ADGRB2: variants seen among roughly 807,000 people sequenced by gnomAD.
ADGRB2 encodes the protein adhesion G protein-coupled receptor B2.
Under a neutral mutation model 178.7 loss-of-function variants are expected in ADGRB2, and 47 were observed. The observed-to-expected ratio is 0.26, with a 90% CI of 0.21 to 0.34. ADGRB2 has a LOEUF of 0.34. Ranked by LOEUF, ADGRB2 falls within the 10% of genes least tolerant of loss-of-function variation. ADGRB2 has a pLI of 1.00. For synonymous variants in ADGRB2, 870 were observed against 912.4 expected, an observed-to-expected ratio of 0.95 and a Z score of 0.84; for missense variants, 1,584 against 2,180.8, an observed-to-expected ratio of 0.73 and a Z score of 5.45.
chr1:31,756,550 C>CG lies in ADGRB2; in HGVS notation c.286dup (p.Arg96ProfsTer18), dbSNP rs1432907014. Reference sequence around the variant, plus strand: ...CAGGTAGTGGTCCAGGGGCAGCAGGCGGGGGGCAAAGTGTGCGCACACCTG... The same window carrying CG: ...CAGGTAGTGGTCCAGGGGCAGCAGGCGGGGGGGCAAAGTGTGCGCACACCTG... On this transcript the variant is annotated frameshift_variant, in exon 4 of 33. Coordinates refer to ENST00000373658, the MANE Select transcript of ADGRB2 (RefSeq NM_001364857.2). LOFTEE classifies it high-confidence loss of function. This position sits in a 1 kb window ranked among gnomAD's most constrained non-coding sequence, Gnocchi z 8.5. 1.2e-6 allele frequency: 2 copies of CG among 1,613,000 alleles called. No homozygotes were observed. Among genetic ancestry groups the CG allele is most frequent in the Non-Finnish European group, 1.7e-6 (2 of 1,179,528 alleles).
Position 31,764,207 on chromosome 1 carries a change from G to A in ADGRB2, c.-514C>T, listed in dbSNP as rs868353930. ...CGCCGCGCGCCGCCTCCTATTTGCG[G>A]GCGGCGGCCGCAGCCCCGGGCTCTG... On this transcript the variant is annotated 5_prime_UTR_variant, in exon 1 of 33. Transcript: ENST00000373658. This position sits in a 1 kb window ranked among gnomAD's most constrained non-coding sequence, Gnocchi z 7.3. 17 of 272,208 alleles carry A rather than the reference G, an allele frequency of 6.2e-5. No homozygotes were observed. Among genetic ancestry groups the A allele is most frequent in the African/African-American group, 4.0e-4 (17 of 42,662 alleles). 16.9% of individuals were successfully genotyped at this position (272,208 alleles called of 1,614,324 possible).
At position 31,744,531 on chromosome 1, in the gene ADGRB2, G is replaced by A; in HGVS notation, c.922+117C>T. On this transcript the variant is annotated intron_variant, in intron 5 of 32. Transcript: ENST00000373658. This position sits in a 1 kb window ranked among gnomAD's most constrained non-coding sequence, Gnocchi z 6.7. ...CAGCCCTTCCCACAAGCTTCATGTG[G>A]CACAGACGCGACTGAACTGCAGGAC... is the stretch of plus-strand genomic sequence containing the variant. 1 of 1,445,062 alleles carries A rather than the reference G, an allele frequency of 6.9e-7. No homozygotes were observed. The highest frequency in any genetic ancestry group is 9.5e-7 in the Non-Finnish European group (1 of 1,055,236). 89.5% of individuals were successfully genotyped at this position (1,445,062 alleles called of 1,614,324 possible). A position where few individuals can be genotyped will look rare whatever the true frequency, so the allele number is the denominator to read the frequency against.
rs1224888999 is a variant in ADGRB2 at position 31,740,993 on chromosome 1, T to C, written c.1794+380A>G. Among the ~76,000 whole-genome samples, 2 of 151,494 alleles carry C rather than the reference T, an allele frequency of 1.3e-5. No homozygotes were observed. Among genetic ancestry groups the C allele is most frequent in the Non-Finnish European group, 2.9e-5 (2 of 67,900 alleles). ...TGCATTCACACAATTAATACCCAAT[T>C]ACAGTCAAACATGTACACACATTCA... On this transcript the variant is annotated intron_variant, in intron 11 of 32. Transcript: ENST00000373658. The surrounding 1 kb of genome is among the most constrained non-coding windows in gnomAD (Gnocchi z 5.9).
In ADGRB2 at chr1:31,736,648, A is replaced by G. The variant is rs1352985666; in HGVS notation, c.3055T>C (p.Trp1019Arg). Reference protein sequence around the residue: ...SSFCWVLTEAWQSYLAVIGRM... With the variant: ...SSFCWVLTEARQSYLAVIGRM... ...CCAATGACAGCCAGGTAGGACTGCC[A>G]GGCCTCGGTAAGCACCCAGCAAAAG... Residue 1019 changes from tryptophan (W) to arginine (R), a missense_variant, in exon 21 of 33, where the codon TGG becomes CGG. Trp to Arg is a moderately radical substitution (Grantham distance 101). Around this residue, in one of 3 missense-constraint regions of ADGRB2, gnomAD observed 865 missense variants for 1,192.8 expected, o/e 0.73. Transcript: ENST00000373658. 6.2e-7 allele frequency: 1 copy of G among 1,614,040 alleles called. No individual in the cohort carries two copies. Among genetic ancestry groups the G allele is most frequent in the Non-Finnish European group, 8.5e-7 (1 of 1,180,004 alleles).
In ADGRB2 at chr1:31,735,750, G is replaced by T. The variant is rs951400666; in HGVS notation, c.3267+77C>A. The T allele has an allele frequency of 5.7e-6, 9 of 1,578,464 alleles. No homozygotes were observed. The African/African-American group carries it at 1.2e-4, about 21-fold the overall frequency. On this transcript the variant is annotated intron_variant, in intron 23 of 32. Transcript: ENST00000373658. The surrounding 1 kb of genome is among the most constrained non-coding windows in gnomAD (Gnocchi z 6.0). The stretch of plus-strand genomic sequence containing the variant: ...GAAATCCCCATGTGGGAGCTGGAGC[G>T]CAGGGAGGAGGTAGAGGGAGAAACA...
intron 7 of ADGRB2, 51 bp downstream of exon 7, chr1:31,742,787 C>G (rs1471582518): frequency 7.3e-7 from 1 of 1,370,012 alleles, no homozygotes; most frequent in Non-Finnish European, 9.5e-7. Context: ...GTCTCCCGAC[C>G]CCCCACCGGG....
intron 4 of ADGRB2, among the ~76,000 whole-genome samples, chr1:31,749,756 T>C (rs1473017029): frequency 6.6e-6 from 1 of 151,988 alleles, no homozygotes; most frequent in East Asian, 1.9e-4. Flanking sequence ...TACAAAGAAA[T>C]ACAAAAAAAT....
At position 31,735,193 on chromosome 1, in the gene ADGRB2, T is replaced by G. The variant is rs935616861; in HGVS notation, c.3442A>C (p.Arg1148=). 18 of 1,344,230 alleles carry G rather than the reference T, an allele frequency of 1.3e-5. No homozygotes were observed. Among genetic ancestry groups the G allele is most frequent in the Non-Finnish European group, 1.7e-5 (18 of 1,035,842 alleles). 83.3% of individuals were successfully genotyped at this position (1,344,230 alleles called of 1,614,324 possible). The change falls in exon 25 of 33, where the codon AGG becomes CGG. Residue 1148 remains arginine (R), a synonymous_variant. Coordinates refer to ENST00000373658, the MANE Select transcript of ADGRB2 (RefSeq NM_001364857.2). This position sits in a 1 kb window ranked among gnomAD's most constrained non-coding sequence, Gnocchi z 6.0. ...GGGGGCACGACTAACATGGCGTTCC[T>G]GGCCGAGGCTGAGCTGAGCAGGGGG... ...PSPLLSSASA[R]NAMASLWSSC...
At position 31,740,146 on chromosome 1, in the gene ADGRB2, A is replaced by C; in HGVS notation, c.2022T>G (p.Asp674Glu). ...RFFQVVSFMV[D>E]AENKEKWDDA... ...CGTCCCACTTCTCCTTGTTTTCCGC[A>C]TCCACCATGAAGCTCACCACCTGGA... Residue 674 changes from aspartate (D) to glutamate (E), a missense_variant, in exon 13 of 33, where the codon GAT becomes GAG. Coordinates refer to ENST00000373658, the MANE Select transcript of ADGRB2 (RefSeq NM_001364857.2). The surrounding 1 kb of genome is among the most constrained non-coding windows in gnomAD (Gnocchi z 5.9). 6.2e-7 allele frequency: 1 copy of C among 1,614,110 alleles called. No individual in the cohort carries two copies. Among genetic ancestry groups the C allele is most frequent in the Non-Finnish European group, 8.5e-7 (1 of 1,180,020 alleles).
rs939609724 is a variant in ADGRB2 at position 31,759,469 on chromosome 1, A to C, written c.-190-1958T>G. 58 of 735,442 alleles carry C rather than the reference A, an allele frequency of 7.9e-5. No homozygotes were observed. In the Admixed American group the frequency reaches 1.0e-3, roughly 13 times the overall value. The allele number at this position is 735,442 out of a possible 1,614,324, so 45.6% of individuals were successfully genotyped here. A position where few individuals can be genotyped will look rare whatever the true frequency, so the allele number is the denominator to read the frequency against. On this transcript the variant is annotated intron_variant, in intron 1 of 32. Transcript: ENST00000373658. This position sits in a 1 kb window ranked among gnomAD's most constrained non-coding sequence, Gnocchi z 4.3. The stretch of plus-strand genomic sequence containing the variant: ...GCTCCCTACTCCACAGCCCCGCCCC[A>C]TCAAGAAGCACAAGGTCCACATCCT...
Position 31,744,494 on chromosome 1 carries a change from C to T in ADGRB2, c.923-137G>A. The T allele has an allele frequency of 2.1e-6, 3 of 1,439,174 alleles. No homozygotes were observed. Among genetic ancestry groups the T allele is most frequent in the Non-Finnish European group, 2.8e-6 (3 of 1,058,058 alleles). The allele number at this position is 1,439,174 out of a possible 1,614,324, so 89.2% of individuals were successfully genotyped here. A position where few individuals can be genotyped will look rare whatever the true frequency, so the allele number is the denominator to read the frequency against. ...CCCTGACCCCAAGTAACAGGCTCTT[C>T]AGGAGGCCACCCAGCCCTTCCCACA... On this transcript the variant is annotated intron_variant, in intron 5 of 32. Transcript: ENST00000373658. This position sits in a 1 kb window ranked among gnomAD's most constrained non-coding sequence, Gnocchi z 6.7.
intron 1 of ADGRB2, among the ~76,000 whole-genome samples, chr1:31,757,746 C>A (rs1646910349): frequency 6.6e-6 from 1 of 152,196 alleles, no homozygotes; most frequent in South Asian, 2.1e-4. Flanking sequence ...GTGAAGCCAC[C>A]AGCCAGTCGT....
chr1:31,746,478 C>T (rs1646278028), intron 4 of ADGRB2, among the ~76,000 whole-genome samples: 1 of 152,162 alleles, frequency 6.6e-6, no homozygotes, highest in African/African-American at 2.4e-5. Flanking sequence ...CCACGCCCAC[C>T]CCCAGGCTGC....
intron 25 of ADGRB2, among the ~76,000 whole-genome samples, chr1:31,734,140 T>C (rs111554892): frequency 0.03 from 4,529 of 152,204 alleles, 176 homozygotes; most frequent in African/African-American, 0.089. Flanking sequence ...GACTCTGAAG[T>C]CCCCGGAGGT....
chr1:31,727,373 TAGAG>T lies in ADGRB2; in HGVS notation c.*43_*46del. On this transcript the variant is annotated 3_prime_UTR_variant, in exon 33 of 33. Transcript: ENST00000373658. This position sits in a 1 kb window ranked among gnomAD's most constrained non-coding sequence, Gnocchi z 4.4. The stretch of plus-strand genomic sequence containing the variant: ...GTAGTTCCAAAGTGGAGTGTGAAAA[TAGAG>T]AGATATATATATTTATATGCAGTGG... 2 of 1,527,198 alleles carry T rather than the reference TAGAG, an allele frequency of 1.3e-6. No individual in the cohort carries two copies. Among genetic ancestry groups the T allele is most frequent in the Middle Eastern group, 3.5e-4 (2 of 5,788 alleles). The allele number at this position is 1,527,198 out of a possible 1,614,324, so 94.6% of individuals were successfully genotyped here.
rs931491605 is a variant in ADGRB2 at position 31,754,601 on chromosome 1, C to T, written c.838+1398G>A. Among the ~76,000 whole-genome samples the T allele has an allele frequency of 3.3e-5, 5 of 152,252 alleles. No homozygotes were observed. The highest frequency in any genetic ancestry group is 4.8e-5 in the African/African-American group (2 of 41,460). ...CTGTCACTCGGACGGCTTCATTGAC[C>T]GCCGTTAGAGGCCAAGCTAGCCTGG... On this transcript the variant is annotated intron_variant, in intron 4 of 32. Transcript: ENST00000373658. The surrounding 1 kb of genome is among the most constrained non-coding windows in gnomAD (Gnocchi z 5.7).
In ADGRB2 at chr1:31,754,584, C is replaced by T. The variant is rs757822646; in HGVS notation, c.838+1415G>A. On this transcript the variant is annotated intron_variant, in intron 4 of 32. Coordinates refer to ENST00000373658, the MANE Select transcript of ADGRB2 (RefSeq NM_001364857.2). This position sits in a 1 kb window ranked among gnomAD's most constrained non-coding sequence, Gnocchi z 5.7. ...ACCTACCCGCGGCCCGGCTGTCACT[C>T]GGACGGCTTCATTGACCGCCGTTAG... 3.9e-5 allele frequency among the ~76,000 whole-genome samples: 6 copies of T among 152,222 alleles called. No individual in the cohort carries two copies. The highest frequency in any genetic ancestry group is 7.3e-5 in the Non-Finnish European group (5 of 68,030).
chr1:31,731,197 C>A lies in ADGRB2; in HGVS notation c.3983G>T (p.Gly1328Val), dbSNP rs1645264550. Residue 1328 changes from glycine to valine, a missense_variant, in exon 29 of 33, where the codon GGG (glycine) becomes GTG (valine). Physicochemically the swap from Gly to Val is moderately radical, Grantham distance 109. Coordinates refer to ENST00000373658, the MANE Select transcript of ADGRB2 (RefSeq NM_001364857.2). Reference protein sequence around the residue: ...PQEANPVYMCGEGGLRQLDLT... With the variant: ...PQEANPVYMCVEGGLRQLDLT... The stretch of plus-strand genomic sequence containing the variant: ...GTCCAGCTGCCGCAGGCCACCCTCC[C>A]CACACATGTAAACAGGGTTGGCCTC... 6.2e-7 allele frequency: 1 copy of A among 1,600,324 alleles called. No individual in the cohort carries two copies. The highest frequency in any genetic ancestry group is 1.3e-5 in the African/African-American group (1 of 74,588).
At position 31,733,365 on chromosome 1, in the gene ADGRB2, C is replaced by A. The variant is rs953657739; in HGVS notation, c.3453-222G>T. 1.3e-5 allele frequency among the ~76,000 whole-genome samples: 2 copies of A among 152,042 alleles called. No individual in the cohort carries two copies. The highest frequency in any genetic ancestry group is 4.8e-5 in the African/African-American group (2 of 41,378). On this transcript the variant is annotated intron_variant, in intron 25 of 32. Coordinates refer to ENST00000373658, the MANE Select transcript of ADGRB2 (RefSeq NM_001364857.2). The surrounding 1 kb of genome is among the most constrained non-coding windows in gnomAD (Gnocchi z 4.3). ...GCGAACTACGGGGTCAGAGCAGGGA[C>A]CAGGAAGGTGGGGAAGGACACGCAG...
Sources: allele counts gnomAD v4.1 joint callset (sites outside exome capture counted in the v4.1 genomes callset), GRCh38; gene constraint gnomAD v4.1.1; regional missense constraint gnomAD v4.1.1; non-coding constraint Gnocchi (gnomAD v3.1); transcripts MANE v1.5; gene names NCBI Gene and HGNC (gene_info 2026-07-23, HGNC 2026-07-21).